The following TRPC5OS variants were observed in gnomAD, a reference collection of about 807,000 sequenced individuals.
TRPC5OS encodes putative uncharacterized protein TRPC5OS.
For missense variants in TRPC5OS, 64 were observed against 79.3 expected (o/e 0.81, Z 0.73); for synonymous variants, 30 against 29.3 (o/e 1.02, Z -0.08).
At chrX:111,887,485 C>T (rs1924565983) in intron 1 of TRPC5OS, among the ~76,000 whole-genome samples, 2 of 112,048 alleles carry the variant, frequency 1.8e-5, no homozygotes, top group Non-Finnish European at 3.8e-5. Flanking sequence ...GGTCTTTCCT[C>T]AAGGACTACA....
chrX:111,886,520 G>A (rs1248143911), intron 1 of TRPC5OS, among the ~76,000 whole-genome samples: 1 of 111,420 alleles, frequency 9.0e-6, no homozygotes, highest in Non-Finnish European at 1.9e-5. Flanking sequence ...TGGGATATTT[G>A]TTGAGCCTTG....
chrX:111,887,965 C>T (rs777879091), intron 1 of TRPC5OS, among the ~76,000 whole-genome samples: 4 of 111,250 alleles, frequency 3.6e-5, no homozygotes, highest in African/African-American at 6.5e-5. Context: ...AAAGTTAGAG[C>T]GGAATAAGGA....
intron 1 of TRPC5OS, among the ~76,000 whole-genome samples, chrX:111,895,206 CT>C (rs2148610026): frequency 9.0e-6 from 1 of 111,377 alleles, no homozygotes; most frequent in South Asian, 3.8e-4. Flanking sequence ...TATTGTCAGT[CT>C]TTTTCATTTT....
chrX:111,879,211 C>T (rs768294908), intron 1 of TRPC5OS, among the ~76,000 whole-genome samples: 3 of 111,614 alleles, frequency 2.7e-5, no homozygotes, highest in Middle Eastern at 4.7e-3. Flanking sequence ...ATGGAGACAT[C>T]AGAAAAAGAG....
chrX:111,892,135 C>T (rs1924836289), intron 1 of TRPC5OS, among the ~76,000 whole-genome samples: 1 of 112,110 alleles, frequency 8.9e-6, no homozygotes, highest in African/African-American at 3.2e-5. Flanking sequence ...GAGGAGGCCA[C>T]AACTGGTGCT....
rs762807312 is a variant in TRPC5OS at position 111,891,123 on chromosome X, C to T, written c.-545-4828C>T. Among the ~76,000 whole-genome samples the T allele has an allele frequency of 2.5e-3, 282 of 112,073 alleles. 3 individuals are homozygous for T. Among genetic ancestry groups the T allele is most frequent in the Non-Finnish European group, 8.6e-4 (46 of 53,226 alleles). On this transcript the variant is annotated intron_variant, in intron 1 of 3. Coordinates refer to ENST00000635763, the MANE Select transcript of TRPC5OS (RefSeq NM_001195578.2). ...CTTTATCCAATCTACCATTGATGGG[C>T]ATTTAGGTTGATTCCATGTCTTTGC...
intron 1 of TRPC5OS, among the ~76,000 whole-genome samples, chrX:111,889,870 A>G (rs774128688): frequency 1.3e-4 from 15 of 111,547 alleles, no homozygotes; most frequent in Non-Finnish European, 2.6e-4. Context: ...AGGTGATTTT[A>G]ATGTTCAGCT....
At chrX:111,879,713 C>T (rs1275369415) in intron 1 of TRPC5OS, among the ~76,000 whole-genome samples, 2 of 112,407 alleles carry the variant, frequency 1.8e-5, no homozygotes, top group African/African-American at 3.2e-5. Flanking sequence ...CATGACAGCC[C>T]GAGATAGGCA....
intron 3 of TRPC5OS, among the ~76,000 whole-genome samples, chrX:111,899,318 T>C: frequency 9.0e-6 from 1 of 111,529 alleles, no homozygotes; most frequent in Non-Finnish European, 1.9e-5. Flanking sequence ...TCTACCTCTC[T>C]GCTTTTTATG....
rs763525907 is a variant in TRPC5OS, at chrX:111,903,334, C to T, written c.*1149C>T. On this transcript the variant is annotated 3_prime_UTR_variant, in exon 4 of 4. Transcript: ENST00000635763. ...ATTTAGGAACAAGAACTAGTGGGGA[C>T]GGTGTTTTCAGGAGAGAGAAGCAAA... The T allele has an allele frequency of 1.8e-4, 20 of 111,979 alleles. No individual in the cohort carries two copies. The highest frequency in any genetic ancestry group is 5.6e-4 in the East Asian group (2 of 3,560). The allele number at this position is 111,979 out of a possible 1,213,427, so 9.2% of individuals were successfully genotyped here. A position where few individuals can be genotyped will look rare whatever the true frequency, so the allele number is the denominator to read the frequency against.
At position 111,884,198 on chromosome X, in the gene TRPC5OS, T is replaced by G. The variant is rs185518973; in HGVS notation, c.-546+7925T>G. On this transcript the variant is annotated intron_variant, in intron 1 of 3. Transcript: ENST00000635763. ...CCACAGTGTAAGCCTAATTAAAAGC[T>G]AACTGACTTGGTTAAGGTATTATCA... Among the ~76,000 whole-genome samples the G allele has an allele frequency of 3.4e-3, 379 of 112,779 alleles. 2 individuals are homozygous for G. The highest frequency in any genetic ancestry group is 0.012 in the African/African-American group (370 of 31,123).
chrX:111,887,793 T>C (rs754753287), intron 1 of TRPC5OS, among the ~76,000 whole-genome samples: 1 of 112,222 alleles, frequency 8.9e-6, no homozygotes, highest in East Asian at 2.8e-4. Flanking sequence ...CTGAATATCT[T>C]CTATGTGCTA....
chrX:111,880,814 C>T lies in TRPC5OS; in HGVS notation c.-546+4541C>T, dbSNP rs763993604. 2.7e-5 allele frequency among the ~76,000 whole-genome samples: 3 copies of T among 112,429 alleles called. No homozygotes were observed. The South Asian group carries it at 1.1e-3, about 42-fold the overall frequency. On this transcript the variant is annotated intron_variant, in intron 1 of 3. Transcript: ENST00000635763. ...TGAAGCTAATAGACAAGAATGACTA[C>T]CTATGCTCTGGTCTGGATTTATCAT...
At chrX:111,899,563 CT>C (rs1477037870) in intron 3 of TRPC5OS, among the ~76,000 whole-genome samples, 1 of 110,440 alleles carries the variant, frequency 9.1e-6, no homozygotes, top group African/African-American at 3.3e-5. Context: ...GATAGAGAAG[CT>C]GAGAAAAAAA....
chrX:111,895,048 C>T (rs1924998990), intron 1 of TRPC5OS, among the ~76,000 whole-genome samples: 1 of 111,716 alleles, frequency 9.0e-6, no homozygotes, highest in Admixed American at 9.5e-5. Flanking sequence ...TGGTTATATA[C>T]TTAGGAGTAG....
Position 111,903,275 on chromosome X carries a change from A to G in TRPC5OS, c.*1090A>G, listed in dbSNP as rs1925445948. ...GCTCTATGGAGCAGAATTAGAGTTA[A>G]TAGTGAAAAGAAATATTTAGGAAAT... On this transcript the variant is annotated 3_prime_UTR_variant, in exon 4 of 4. Coordinates refer to ENST00000635763, the MANE Select transcript of TRPC5OS (RefSeq NM_001195578.2). 8.9e-6 allele frequency: 1 copy of G among 112,573 alleles called. No individual in the cohort carries two copies. Among genetic ancestry groups the G allele is most frequent in the Non-Finnish European group, 1.9e-5 (1 of 53,301 alleles). 9.3% of individuals were successfully genotyped at this position (112,573 alleles called of 1,213,427 possible).
chrX:111,881,323 C>T (rs1011385394), intron 1 of TRPC5OS, among the ~76,000 whole-genome samples: 7 of 110,297 alleles, frequency 6.3e-5, no homozygotes, highest in Non-Finnish European at 1.1e-4. Context: ...ACTACAGGCA[C>T]GCGCCACCAC....
At position 111,899,951 on chromosome X, in the gene TRPC5OS, C is replaced by A. The variant is rs184950513; in HGVS notation, c.-310-1589C>A. ...CAAAATCGTGCCTTCTGGTCATTAT[C>A]GTTGTGACCCTTATCATCAGGACAA... On this transcript the variant is annotated intron_variant, in intron 3 of 3. Coordinates refer to ENST00000635763, the MANE Select transcript of TRPC5OS (RefSeq NM_001195578.2). 5.0e-3 allele frequency among the ~76,000 whole-genome samples: 556 copies of A among 110,695 alleles called. 3 individuals carry two copies. The highest frequency in any genetic ancestry group is 0.018 in the African/African-American group (539 of 30,479).
chrX:111,888,693 C>CAAAAAAAAAAAAAAAAAAA (rs753735549), intron 1 of TRPC5OS, among the ~76,000 whole-genome samples: 1 of 10,985 alleles, frequency 9.1e-5, no homozygotes, highest in Non-Finnish European at 2.1e-4. Context: ...GACTCTATCT[C>CAAAAAAAAAAAAAAAAAAA]AAAAAAAAAA....
Sources: gnomAD v4.1 joint callset for allele counts (sites outside exome capture counted in the v4.1 genomes callset) on GRCh38, gnomAD v4.1.1 for gene constraint, MANE v1.5 for transcripts, NCBI Gene and HGNC (gene_info 2026-07-23, HGNC 2026-07-21) for gene names.